MTCH2: variants seen among roughly 807,000 people sequenced by gnomAD.
MTCH2 encodes mitochondrial carrier 2, also known as mitochondrial carrier homolog 2.
Under a neutral mutation model 50.6 loss-of-function variants are expected in MTCH2, and 25 were observed. The ratio of observed to expected loss-of-function variants is 0.49; its 90% CI spans 0.36 to 0.69. MTCH2 has a LOEUF of 0.69. Ranked by LOEUF, MTCH2 falls within the 30% of genes least tolerant of loss-of-function variation. The pLI is 0.00. For synonymous variants in MTCH2, 106 were observed against 132.0 expected (o/e 0.80, Z 1.35); for missense variants, 273 against 384.4 (o/e 0.71, Z 2.42).
intron 1 of MTCH2, among the ~76,000 whole-genome samples, chr11:47,641,169 C>A (rs1017027128): frequency 1.3e-5 from 2 of 152,174 alleles, no homozygotes; most frequent in Non-Finnish European, 2.9e-5. Flanking sequence ...GCTGGGAAGG[C>A]GTGAGCGAAC....
At chr11:47,641,997 T>C (rs192743426) in intron 1 of MTCH2, among the ~76,000 whole-genome samples, 3 of 152,284 alleles carry the variant, frequency 2.0e-5, no homozygotes, top group Non-Finnish European at 4.4e-5. Context: ...GTCTGAGATT[T>C]TGGGGGGAGT....
At chr11:47,642,288 G>C (rs1178830219) in intron 1 of MTCH2, 91 bp downstream of exon 1, 5 of 1,105,578 alleles carry the variant, frequency 4.5e-6, no homozygotes, top group Non-Finnish European at 6.4e-6. Flanking sequence ...GAGAATGAAA[G>C]GCCCGCAAGG....
At chr11:47,630,409 A>T (rs1346543948) in intron 8 of MTCH2, 146 bp downstream of exon 8, 24 of 693,846 alleles carry the variant, frequency 3.5e-5, no homozygotes, top group East Asian at 1.1e-4. Context: ...AAAAGAAAAA[A>T]AAATAAGGGG....
Position 47,631,581 on chromosome 11 carries a change from C to T in MTCH2, c.427+73G>A, listed in dbSNP as rs896049969. On this transcript the variant is annotated intron_variant, in intron 6 of 12. Coordinates refer to ENST00000302503, the MANE Select transcript of MTCH2 (RefSeq NM_014342.4). ...CAGGCAAGGCATTTTAGTCAACTCCCACGTCAACCTATCTAAGTGGTCAGG... is the reference window on the plus strand; with the variant it reads ...CAGGCAAGGCATTTTAGTCAACTCCTACGTCAACCTATCTAAGTGGTCAGG... The T allele has an allele frequency of 4.1e-6, 6 of 1,477,768 alleles. No individual in the cohort carries two copies. The Admixed American group carries it at 8.8e-5, about 22-fold the overall frequency. 91.5% of individuals were successfully genotyped at this position (1,477,768 alleles called of 1,614,324 possible).
At chr11:47,617,046 T>C (rs563102305), downstream of MTCH2, among the ~76,000 whole-genome samples, 166 of 152,342 alleles carry the variant, frequency 1.1e-3, no homozygotes, top group African/African-American at 3.7e-3. Flanking sequence ...TAGACTTTTA[T>C]GTTAGTAGCT....
the MTCH2 span, among the ~76,000 whole-genome samples, chr11:47,604,411 A>G: frequency 1.3e-5 from 2 of 152,224 alleles, no homozygotes; most frequent in South Asian, 2.1e-4. Context: ...CATTTTTAGT[A>G]GGAGGGTAAA....
At chr11:47,626,957 G>T in intron 10 of MTCH2, 123 bp downstream of exon 10, 2 of 724,320 alleles carry the variant, frequency 2.8e-6, no homozygotes, top group African/African-American at 1.8e-5. Flanking sequence ...ACAAATTTCA[G>T]GGAGATGTCC....
intron 5 of MTCH2, among the ~76,000 whole-genome samples, chr11:47,634,007 G>A (rs951093174): frequency 6.6e-6 from 1 of 152,138 alleles, no homozygotes; most frequent in Non-Finnish European, 1.5e-5. Flanking sequence ...GAACTTTTCA[G>A]AGTCAGAAAA....
At position 47,629,066 on chromosome 11, in the gene MTCH2, A is replaced by G; in HGVS notation, c.540-20T>C. 2 of 1,592,382 alleles carry G rather than the reference A, an allele frequency of 1.3e-6. No individual in the cohort carries two copies. Among genetic ancestry groups the G allele is most frequent in the Non-Finnish European group, 1.7e-6 (2 of 1,163,842 alleles). ...AGACCCCTACATGAAGAAACAATAAAAATAAGAACCAAAAAATGTGATCAG... is the reference window on the plus strand; with the variant it reads ...AGACCCCTACATGAAGAAACAATAAGAATAAGAACCAAAAAATGTGATCAG... On this transcript the variant is annotated intron_variant, in intron 8 of 12. Transcript: ENST00000302503.
intron 12 of MTCH2, among the ~76,000 whole-genome samples, chr11:47,619,661 C>T (rs189450855): frequency 2.8e-3 from 420 of 152,144 alleles, no homozygotes; most frequent in Non-Finnish European, 4.8e-3. Flanking sequence ...AAATTAAAGG[C>T]CGGGTGTGAT....
chr11:47,619,019 C>T lies in MTCH2; in HGVS notation c.826-100G>A, dbSNP rs1231077593. ...GTCCAATTGGGAGACGTGACTAAAT[C>T]TAGGACAAAACTGGGACTATCACTA... On this transcript the variant is annotated intron_variant, in intron 12 of 12. Transcript: ENST00000302503. The T allele has an allele frequency of 2.9e-6, 3 of 1,036,370 alleles. No homozygotes were observed. The Admixed American group carries it at 5.4e-5, about 19-fold the overall frequency. 64.2% of individuals were successfully genotyped at this position (1,036,370 alleles called of 1,614,324 possible).
intron 6 of MTCH2, 29 bp from the exon 7 acceptor site, chr11:47,631,116 A>G (rs756224571): frequency 6.2e-7 from 1 of 1,601,062 alleles, no homozygotes; most frequent in Non-Finnish European, 8.6e-7. Flanking sequence ...AGATGTTTAC[A>G]ACTATGTTAA....
the MTCH2 span, among the ~76,000 whole-genome samples, chr11:47,606,882 A>C: frequency 6.6e-6 from 1 of 152,202 alleles, no homozygotes; most frequent in African/African-American, 2.4e-5. Context: ...CTCAGCGACT[A>C]GCTGGGCGAG....
intron 9 of MTCH2, among the ~76,000 whole-genome samples, chr11:47,628,741 A>AT (rs2097300349): frequency 6.6e-6 from 1 of 151,826 alleles, no homozygotes; most frequent in Non-Finnish European, 1.5e-5. Context: ...CGCCCAGCTA[A>AT]TTTTTTCTGT....
At chr11:47,633,694 G>T (rs1007195746) in intron 5 of MTCH2, among the ~76,000 whole-genome samples, 4 of 150,546 alleles carry the variant, frequency 2.7e-5, no homozygotes, top group Non-Finnish European at 4.4e-5. Flanking sequence ...GCGCCACCAT[G>T]CCTGGCTAAT....
chr11:47,615,871 G>A (rs567312881), downstream of MTCH2, among the ~76,000 whole-genome samples: 2 of 151,414 alleles, frequency 1.3e-5, no homozygotes, highest in African/African-American at 2.4e-5. Flanking sequence ...TGATCCACCC[G>A]CCTCGGCCTC....
intron 11 of MTCH2, among the ~76,000 whole-genome samples, 198 bp downstream of exon 11, chr11:47,625,476 C>T (rs1340405171): frequency 6.6e-6 from 1 of 151,266 alleles, no homozygotes; most frequent in Non-Finnish European, 1.5e-5. Flanking sequence ...ATTGAGGCTG[C>T]TGCTGCATAG....
the MTCH2 span, among the ~76,000 whole-genome samples, chr11:47,607,518 C>T: frequency 6.6e-6 from 1 of 152,152 alleles, no homozygotes; most frequent in African/African-American, 2.4e-5. Context: ...GGACCTCTAC[C>T]CCTTCAGATG....
intron 10 of MTCH2, among the ~76,000 whole-genome samples, chr11:47,626,648 T>C (rs2097298488): frequency 6.6e-6 from 1 of 152,114 alleles, no homozygotes; most frequent in Non-Finnish European, 1.5e-5. Context: ...AGTCTCACTC[T>C]GTCGCCCAGG....
Sources: allele counts gnomAD v4.1 joint callset (sites outside exome capture counted in the v4.1 genomes callset), GRCh38; gene constraint gnomAD v4.1.1; transcripts MANE v1.5; gene names NCBI Gene and HGNC (gene_info 2026-07-23, HGNC 2026-07-21).